FAM53B: variants seen among roughly 807,000 people sequenced by gnomAD.
FAM53B encodes the protein protein FAM53B.
A neutral mutation model predicts 32.7 loss-of-function variants in FAM53B; 12 were observed. That is an observed-to-expected ratio of 0.37 (90% CI 0.24 to 0.59). The LOEUF (loss-of-function observed/expected upper bound fraction) is 0.59, where lower values mean the gene tolerates loss of function less well. FAM53B is among the 20% of genes least tolerant of loss of function. The pLI is 0.72. For synonymous variants in FAM53B, 234 were observed against 228.7 expected, an observed-to-expected ratio of 1.02 and a Z score of -0.21; for missense variants, 477 against 577.7, an observed-to-expected ratio of 0.83 and a Z score of 1.79.
intron 2 of FAM53B, among the ~76,000 whole-genome samples, chr10:124,698,289 G>A (rs1027791987): frequency 1.3e-5 from 2 of 152,142 alleles, no homozygotes; most frequent in Non-Finnish European, 2.9e-5. Flanking sequence ...AATTGAACAG[G>A]AACACTGAAG....
At chr10:124,669,553 C>A (rs1426991734) in intron 4 of FAM53B, among the ~76,000 whole-genome samples, 1 of 152,244 alleles carries the variant, frequency 6.6e-6, no homozygotes, top group Non-Finnish European at 1.5e-5. Context: ...TTCTGAGCAC[C>A]ACCTGAGCAC....
At chr10:124,696,515 CG>C (rs1334783770) in intron 2 of FAM53B, among the ~76,000 whole-genome samples, 1 of 152,118 alleles carries the variant, frequency 6.6e-6, no homozygotes, top group Non-Finnish European at 1.5e-5. Flanking sequence ...GGAGGCGGCC[CG>C]GGGGCAGGAT....
chr10:124,673,912 G>A (rs1039230433), intron 4 of FAM53B, among the ~76,000 whole-genome samples: 4 of 152,210 alleles, frequency 2.6e-5, no homozygotes, highest in African/African-American at 9.7e-5. Flanking sequence ...GCAGATGCAT[G>A]CATGGTCAGA....
At chr10:124,723,372 A>C in intron 1 of FAM53B, among the ~76,000 whole-genome samples, 1 of 152,228 alleles carries the variant, frequency 6.6e-6, no homozygotes, top group Non-Finnish European at 1.5e-5. Context: ...AAATGTTGTT[A>C]ACACTAATTC....
At chr10:124,712,297 A>C (rs895524041) in intron 1 of FAM53B, among the ~76,000 whole-genome samples, 3 of 152,150 alleles carry the variant, frequency 2.0e-5, no homozygotes, top group Non-Finnish European at 2.9e-5. Context: ...CAGAGGCTGC[A>C]GTGAGCCGAG....
intron 4 of FAM53B, among the ~76,000 whole-genome samples, chr10:124,670,590 C>CT (rs774222302): frequency 3.3e-5 from 5 of 152,146 alleles, no homozygotes; most frequent in Non-Finnish European, 5.9e-5. Context: ...TCACCGCAGC[C>CT]TCGCCATGCC....
chr10:124,706,369 C>G (rs1949958289), intron 2 of FAM53B, among the ~76,000 whole-genome samples: 1 of 152,204 alleles, frequency 6.6e-6, no homozygotes, highest in Non-Finnish European at 1.5e-5. Flanking sequence ...GCGGCAGAAT[C>G]ACACTTGCTG....
chr10:124,651,869 G>A lies in FAM53B; in HGVS notation c.907-28265C>T, dbSNP rs1012346036. 6.6e-6 allele frequency among the ~76,000 whole-genome samples: 1 copy of A among 152,194 alleles called. No homozygotes were observed. Among genetic ancestry groups the A allele is most frequent in the Non-Finnish European group, 1.5e-5 (1 of 68,024 alleles). ...AGCGTCAGGACAACTGCGACTGAGG[G>A]CGGTTCTCAACCCAGACAGCCTTTG... On this transcript the variant is annotated intron_variant, in intron 4 of 4. Coordinates refer to ENST00000337318, the MANE Select transcript of FAM53B (RefSeq NM_014661.4). This position sits in a 1 kb window ranked among gnomAD's most constrained non-coding sequence, Gnocchi z 5.2.
chr10:124,706,593 T>C (rs1008040307), intron 2 of FAM53B, 43 bp downstream of exon 2: 1 of 1,613,506 alleles, frequency 6.2e-7, no homozygotes, highest in Non-Finnish European at 8.5e-7. Context: ...ACATCAGGCC[T>C]CAGAAATGGT....
intron 4 of FAM53B, among the ~76,000 whole-genome samples, chr10:124,635,508 G>A (rs7088656): frequency 0.34 from 51,942 of 152,046 alleles, 9,066 homozygotes; most frequent in Middle Eastern, 0.4. Flanking sequence ...CAGAGAAACC[G>A]TTTACCTATC....
intron 2 of FAM53B, among the ~76,000 whole-genome samples, chr10:124,700,442 C>T (rs909556910): frequency 6.6e-6 from 1 of 152,176 alleles, no homozygotes; most frequent in Admixed American, 6.5e-5. Flanking sequence ...TGCGAGCACC[C>T]GAGCCCTAGC....
intron 1 of FAM53B, among the ~76,000 whole-genome samples, chr10:124,727,998 C>CAGA (rs1950117801): frequency 1.3e-5 from 2 of 152,204 alleles, no homozygotes; most frequent in South Asian, 4.1e-4. Flanking sequence ...CCCCCAGACC[C>CAGA]AGACCACCAG....
In FAM53B at chr10:124,626,190, G is replaced by T. The variant is rs75050433; in HGVS notation, c.907-2586C>A. Among the ~76,000 whole-genome samples, 43 of 152,388 alleles carry T rather than the reference G, an allele frequency of 2.8e-4. No individual in the cohort carries two copies. In the East Asian group the frequency reaches 8.1e-3, roughly 29 times the overall value. ...GCGAGTGTTTTCTGTGGCCTCGCACGTGAACGCAGCAGGAGCGCAGCCTGC... is the reference window on the plus strand; with the variant it reads ...GCGAGTGTTTTCTGTGGCCTCGCACTTGAACGCAGCAGGAGCGCAGCCTGC... On this transcript the variant is annotated intron_variant, in intron 4 of 4. Coordinates refer to ENST00000337318, the MANE Select transcript of FAM53B (RefSeq NM_014661.4).
At chr10:124,631,903 C>A (rs191301569) in intron 4 of FAM53B, among the ~76,000 whole-genome samples, 1 of 152,332 alleles carries the variant, frequency 6.6e-6, no homozygotes, top group African/African-American at 2.4e-5. Context: ...TCCTGCCAAG[C>A]GTGCAGGGAA....
intron 1 of FAM53B, among the ~76,000 whole-genome samples, chr10:124,721,100 G>T (rs961872755): frequency 6.6e-6 from 1 of 152,228 alleles, no homozygotes; most frequent in East Asian, 1.9e-4. Flanking sequence ...TACTCGGGAG[G>T]TTGGGGTGGG....
chr10:124,709,045 CGCTCA>C (rs1224579344), intron 1 of FAM53B, among the ~76,000 whole-genome samples: 1 of 152,248 alleles, frequency 6.6e-6, no homozygotes, highest in Non-Finnish European at 1.5e-5. Context: ...CCCAGTGTCT[CGCTCA>C]TCCAGGAGAG....
chr10:124,703,229 T>A (rs747929770), intron 2 of FAM53B, among the ~76,000 whole-genome samples: 1 of 152,260 alleles, frequency 6.6e-6, no homozygotes, highest in East Asian at 1.9e-4. Context: ...TTTGTATTTT[T>A]AGCAGAGACG....
chr10:124,708,432 AGGGAGCCCCG>A (rs1473461041), intron 1 of FAM53B, among the ~76,000 whole-genome samples: 1 of 152,238 alleles, frequency 6.6e-6, no homozygotes, highest in African/African-American at 2.4e-5. Flanking sequence ...ATGTTCAGGA[AGGGAGCCCCG>A]GGGAGCCTGA....
intron 1 of FAM53B, among the ~76,000 whole-genome samples, chr10:124,729,532 T>C (rs1211662423): frequency 6.6e-6 from 1 of 152,224 alleles, no homozygotes; most frequent in African/African-American, 2.4e-5. Context: ...TTGCCCAAGG[T>C]CCTGAAAAGT....
Sources: gnomAD v4.1 joint callset for allele counts (sites outside exome capture counted in the v4.1 genomes callset) on GRCh38, gnomAD v4.1.1 for gene constraint, Gnocchi (gnomAD v3.1) non-coding constraint, MANE v1.5 for transcripts, NCBI Gene and HGNC (gene_info 2026-07-23, HGNC 2026-07-21) for gene names.